The following EPHA7 variants were observed in gnomAD, a reference collection of about 807,000 sequenced individuals.
EPHA7 encodes the protein EPH receptor A7, also known as ephrin type-A receptor 7.
A neutral mutation model predicts 112.6 loss-of-function variants in EPHA7; 25 were observed. The observed-to-expected ratio is 0.22, with a 90% CI of 0.16 to 0.31. The LOEUF (loss-of-function observed/expected upper bound fraction) is 0.31, where lower values mean the gene tolerates loss of function less well. Among genes scored for constraint, EPHA7 ranks in the 10% least tolerant of loss-of-function variants. EPHA7 has a pLI of 1.00. For synonymous variants in EPHA7, 437 were observed against 406.5 expected (o/e 1.07, Z -0.90); for missense variants, 962 against 1,212.6 (o/e 0.79, Z 3.07).
At chr6:93,386,217 T>C (rs1777598183) in intron 3 of EPHA7, among the ~76,000 whole-genome samples, 1 of 152,188 alleles carries the variant, frequency 6.6e-6, no homozygotes, top group South Asian at 2.1e-4. Flanking sequence ...AAGTCTCATC[T>C]GAAACAAGGC....
At chr6:93,291,732 C>A (rs1772384570) in intron 5 of EPHA7, among the ~76,000 whole-genome samples, 1 of 133,926 alleles carries the variant, frequency 7.5e-6, no homozygotes, top group African/African-American at 2.8e-5. Context: ...CCCGCCACTG[C>A]ACTCCAGCCT....
At chr6:93,251,954 G>C (rs1284160757) in intron 14 of EPHA7, among the ~76,000 whole-genome samples, 3 of 152,042 alleles carry the variant, frequency 2.0e-5, no homozygotes, top group Middle Eastern at 6.8e-3. Context: ...GAAAATAATA[G>C]ACACATAAAA....
At chr6:93,352,032 T>G (rs1411844126) in intron 5 of EPHA7, among the ~76,000 whole-genome samples, 1 of 152,154 alleles carries the variant, frequency 6.6e-6, no homozygotes, top group Non-Finnish European at 1.5e-5. Flanking sequence ...AATGCCTTAA[T>G]GGTTTCACTC....
Position 93,293,143 on chromosome 6 carries a change from T to G in EPHA7, c.1325-20721A>C, listed in dbSNP as rs1772470953. ...AAGAATTAGATTATTAAAAATCAGGTAATACATAGAAAAGACTATGTAAAC... is the reference window on the plus strand; with the variant it reads ...AAGAATTAGATTATTAAAAATCAGGGAATACATAGAAAAGACTATGTAAAC... On this transcript the variant is annotated intron_variant, in intron 5 of 16. Transcript: ENST00000369303. Among the ~76,000 whole-genome samples the G allele has an allele frequency of 2.0e-5, 3 of 151,702 alleles. No individual in the cohort carries two copies. In the South Asian group the frequency reaches 6.2e-4, roughly 31 times the overall value.
chr6:93,326,416 T>C (rs1331990328), intron 5 of EPHA7, among the ~76,000 whole-genome samples: 1 of 151,482 alleles, frequency 6.6e-6, no homozygotes, highest in Non-Finnish European at 1.5e-5. Context: ...CGAAGATAGT[T>C]TCTTGTGTTA....
rs190020145 is a variant in EPHA7, at chr6:93,259,897, T to C, written c.1799-418A>G. Reference sequence around the variant, plus strand: ...ATTAATACACTGGGAAAAGAAGACATTTCATTTACAGGTAGCCTACTACAC... The same window carrying C: ...ATTAATACACTGGGAAAAGAAGACACTTCATTTACAGGTAGCCTACTACAC... On this transcript the variant is annotated intron_variant, in intron 9 of 16. Coordinates refer to ENST00000369303, the MANE Select transcript of EPHA7 (RefSeq NM_004440.4). Among the ~76,000 whole-genome samples, 452 of 151,976 alleles carry C rather than the reference T, an allele frequency of 3.0e-3. 2 individuals carry two copies. The highest frequency in any genetic ancestry group is 0.01 in the African/African-American group (425 of 41,484).
At chr6:93,313,200 G>A (rs994592572) in intron 5 of EPHA7, among the ~76,000 whole-genome samples, 1 of 152,106 alleles carries the variant, frequency 6.6e-6, no homozygotes, top group Non-Finnish European at 1.5e-5. Flanking sequence ...CTGCAAAACA[G>A]AATAAAACCA....
chr6:93,280,004 C>T (rs903048556), intron 5 of EPHA7, among the ~76,000 whole-genome samples: 9 of 152,082 alleles, frequency 5.9e-5, no homozygotes, highest in African/African-American at 9.7e-5. Flanking sequence ...AAACTCCTTT[C>T]GTTCATACCT....
chr6:93,361,948 C>T (rs533929927), intron 3 of EPHA7, among the ~76,000 whole-genome samples: 1 of 152,066 alleles, frequency 6.6e-6, no homozygotes, highest in East Asian at 1.9e-4. Flanking sequence ...ACTGAACATT[C>T]ACTATATTGA....
intron 5 of EPHA7, among the ~76,000 whole-genome samples, chr6:93,356,022 T>C (rs1775925814): frequency 6.6e-6 from 1 of 152,162 alleles, no homozygotes. Flanking sequence ...TGTGAGACAA[T>C]GAAGCCAACT....
At chr6:93,268,396 C>A (rs1424570026) in intron 7 of EPHA7, among the ~76,000 whole-genome samples, 2 of 151,726 alleles carry the variant, frequency 1.3e-5, no homozygotes, top group African/African-American at 2.4e-5. Context: ...TTTACTCCAC[C>A]TTTTGAAGAT....
At chr6:93,336,262 G>A (rs1034219466) in intron 5 of EPHA7, among the ~76,000 whole-genome samples, 1 of 152,064 alleles carries the variant, frequency 6.6e-6, no homozygotes, top group African/African-American at 2.4e-5. Context: ...ATCAGAAAAC[G>A]AGGCAAATGC....
rs190822407 is a variant in EPHA7 at position 93,312,390 on chromosome 6, G to A, written c.1325-39968C>T. 5.1e-5 allele frequency among the ~76,000 whole-genome samples: 7 copies of A among 138,014 alleles called. No individual in the cohort carries two copies. In the East Asian group the frequency reaches 1.3e-3, roughly 26 times the overall value. 90.5% of individuals were successfully genotyped at this position (138,014 alleles called of 152,430 possible). On this transcript the variant is annotated intron_variant, in intron 5 of 16. Transcript: ENST00000369303. ...CACTTGCTTCATCTTGCACTTTCAT[G>A]TTATGGAGATGGCTCCTTTTTTTTT...
intron 5 of EPHA7, among the ~76,000 whole-genome samples, chr6:93,274,268 G>GT (rs1274407988): frequency 6.6e-6 from 1 of 151,802 alleles, no homozygotes; most frequent in Non-Finnish European, 1.5e-5. Flanking sequence ...ACTTTGCTTG[G>GT]TATGATAAAA....
chr6:93,243,696 G>C lies in EPHA7; in HGVS notation c.2883-156C>G, dbSNP rs371131602. Among the ~76,000 whole-genome samples the C allele has an allele frequency of 2.0e-5, 3 of 152,204 alleles. 1 individual carries two copies. Among genetic ancestry groups the C allele is most frequent in the Admixed American group, 6.5e-5 (1 of 15,272 alleles). ...ATGATCACACCCCTGCAGCAGATCA[G>C]AATTGTAAAACCTACATCAACATTC... On this transcript the variant is annotated intron_variant, in intron 16 of 16. Transcript: ENST00000369303.
At position 93,410,374 on chromosome 6, in the gene EPHA7, A is replaced by G. The variant is rs1778915909; in HGVS notation, c.832+127T>C. 2 of 825,672 alleles carry G rather than the reference A, an allele frequency of 2.4e-6. No homozygotes were observed. The highest frequency in any genetic ancestry group is 1.7e-5 in the South Asian group (1 of 57,846). 51.1% of individuals were successfully genotyped at this position (825,672 alleles called of 1,614,324 possible). A position where few individuals can be genotyped will look rare whatever the true frequency, so the allele number is the denominator to read the frequency against. ...ACTAAGTTCAACGGTGACTTTGTTT[A>G]AGATCTACTGAATTGCGCTTCTGGT... On this transcript the variant is annotated intron_variant, in intron 3 of 16. Transcript: ENST00000369303. This position sits in a 1 kb window ranked among gnomAD's most constrained non-coding sequence, Gnocchi z 4.0.
chr6:93,278,714 T>G (rs540892911), intron 5 of EPHA7, among the ~76,000 whole-genome samples: 10 of 152,048 alleles, frequency 6.6e-5, no homozygotes, highest in East Asian at 1.9e-4. Context: ...GCTGTTTTTT[T>G]TTGTTGTTGT....
chr6:93,371,478 G>C (rs1347278166), intron 3 of EPHA7, among the ~76,000 whole-genome samples: 1 of 152,020 alleles, frequency 6.6e-6, no homozygotes, highest in Non-Finnish European at 1.5e-5. Context: ...TGGTATCCAA[G>C]GGGATCCTGT....
chr6:93,242,915 G>C lies in EPHA7; in HGVS notation c.*511C>G, dbSNP rs1769747018. ...TTTGAGATTCTTTCAAAGGTACCCA[G>C]TGTAGTAATGTTACAGATTTAACAC... On this transcript the variant is annotated 3_prime_UTR_variant, in exon 17 of 17. Transcript: ENST00000369303. The C allele has an allele frequency of 4.6e-6, 1 of 216,966 alleles. No individual in the cohort carries two copies. The highest frequency in any genetic ancestry group is 5.8e-5 in the Admixed American group (1 of 17,216). The allele number at this position is 216,966 out of a possible 1,614,324, so 13.4% of individuals were successfully genotyped here. A position where few individuals can be genotyped will look rare whatever the true frequency, so the allele number is the denominator to read the frequency against.
Sources: gnomAD v4.1 joint callset for allele counts (sites outside exome capture counted in the v4.1 genomes callset) on GRCh38, gnomAD v4.1.1 for gene constraint, Gnocchi (gnomAD v3.1) non-coding constraint, MANE v1.5 for transcripts, NCBI Gene and HGNC (gene_info 2026-07-23, HGNC 2026-07-21) for gene names.